STYX: variants seen among roughly 807,000 people sequenced by gnomAD.
STYX encodes the protein serine/threonine/tyrosine interacting protein.
Under a neutral mutation model 42.7 loss-of-function variants are expected in STYX, and 20 were observed. The observed-to-expected ratio is 0.47, with a 90% CI of 0.33 to 0.68. The LOEUF is 0.68. STYX is among the 30% of genes least tolerant of loss of function. The pLI is 0.02. For synonymous variants in STYX, 78 were observed against 81.9 expected (o/e 0.95, Z 0.26); for missense variants, 226 against 268.5 (o/e 0.84, Z 1.11).
At chr14:52,754,168 G>A (rs1277426001) in intron 4 of STYX, among the ~76,000 whole-genome samples, 1 of 151,640 alleles carries the variant, frequency 6.6e-6, no homozygotes, top group Non-Finnish European at 1.5e-5. Flanking sequence ...GATTACAGGC[G>A]TGAGCCACTG....
In STYX at chr14:52,730,244, G is replaced by T. The variant is rs1880633973; in HGVS notation, c.-231G>T. 1.8e-6 allele frequency: 1 copy of T among 569,784 alleles called. No individual in the cohort carries two copies. The highest frequency in any genetic ancestry group is 3.1e-5 in the Admixed American group (1 of 32,074). The allele number at this position is 569,784 out of a possible 1,614,324, so 35.3% of individuals were successfully genotyped here. A position where few individuals can be genotyped will look rare whatever the true frequency, so the allele number is the denominator to read the frequency against. On this transcript the variant is annotated 5_prime_UTR_variant, in exon 1 of 11. Transcript: ENST00000354586. ...ACTCTGGGGGAGGGAGACGGCAGCG[G>T]CATGGCGGCCGGGTGTAAGACGCCC... is the stretch of plus-strand genomic sequence containing the variant.
intron 4 of STYX, among the ~76,000 whole-genome samples, chr14:52,755,994 C>T (rs1258889373): frequency 1.3e-5 from 2 of 152,076 alleles, no homozygotes; most frequent in African/African-American, 4.8e-5. Flanking sequence ...TCTATTTTAA[C>T]CAGATGGTTC....
At chr14:52,736,330 C>T (rs1179125636) in intron 1 of STYX, among the ~76,000 whole-genome samples, 1 of 152,182 alleles carries the variant, frequency 6.6e-6, no homozygotes, top group African/African-American at 2.4e-5. Flanking sequence ...TACTTTAATA[C>T]TTACCTTTGT....
At chr14:52,759,620 GTA>G in intron 8 of STYX, 60 bp from the exon 9 acceptor site, 2 of 1,156,320 alleles carry the variant, frequency 1.7e-6, no homozygotes, top group Non-Finnish European at 2.6e-6. Flanking sequence ...TTGCTAAGTT[GTA>G]TGATTATGAT....
intron 1 of STYX, among the ~76,000 whole-genome samples, chr14:52,736,362 A>G (rs1880951432): frequency 1.3e-5 from 2 of 152,178 alleles, no homozygotes; most frequent in Admixed American, 6.5e-5. Flanking sequence ...ATTTTTGGTC[A>G]TTGTCTATTT....
At chr14:52,730,559 C>A in intron 1 of STYX, 28 bp downstream of exon 1, 1 of 1,610,306 alleles carries the variant, frequency 6.2e-7, no homozygotes, top group Non-Finnish European at 8.5e-7. Flanking sequence ...CTGCCACGCA[C>A]AGGCCTCTCC....
At chr14:52,746,552 A>G (rs969863971) in intron 3 of STYX, 73 bp downstream of exon 3, 6 of 1,327,448 alleles carry the variant, frequency 4.5e-6, no homozygotes, top group East Asian at 2.7e-5. Flanking sequence ...TTTTAGTAAT[A>G]AAGAGTTTTA....
rs58090538 is a variant in STYX, at chr14:52,752,180, CAAAAAA to C, written c.242+1405_242+1410del. 7.3e-4 allele frequency among the ~76,000 whole-genome samples: 109 copies of C among 149,286 alleles called. No homozygotes were observed. In the East Asian group the frequency reaches 9.3e-3, roughly 13 times the overall value. ...GTCTCAAAAACAAAACAAAACAAAA[CAAAAAA>C]AAAACAGCGCTGTGGCTTACACCTA... On this transcript the variant is annotated intron_variant, in intron 4 of 10. Coordinates refer to ENST00000354586, the MANE Select transcript of STYX (RefSeq NM_145251.4).
intron 1 of STYX, among the ~76,000 whole-genome samples, chr14:52,741,515 G>T (rs1352153325): frequency 6.6e-6 from 1 of 152,112 alleles, no homozygotes; most frequent in Admixed American, 6.5e-5. Flanking sequence ...TCGGCTCACT[G>T]CAGCTTCCAC....
At chr14:52,761,620 G>A (rs1367192957) in intron 9 of STYX, among the ~76,000 whole-genome samples, 1 of 143,646 alleles carries the variant, frequency 7.0e-6, no homozygotes, top group Admixed American at 7.1e-5. Flanking sequence ...CCAGGCTGGA[G>A]TGCAATGGCG....
intron 4 of STYX, among the ~76,000 whole-genome samples, chr14:52,751,354 C>A (rs1383711090): frequency 6.6e-6 from 1 of 152,092 alleles, no homozygotes; most frequent in East Asian, 1.9e-4. Flanking sequence ...TAGATTGTTT[C>A]TGGCCTTGTA....
chr14:52,766,855 T>C (rs1566681186), intron 9 of STYX, among the ~76,000 whole-genome samples: 1 of 152,034 alleles, frequency 6.6e-6, no homozygotes, highest in Non-Finnish European at 1.5e-5. Context: ...TTTTTTTTTT[T>C]CCACTTGATT....
At chr14:52,770,640 C>T (rs1257832782) in intron 10 of STYX, among the ~76,000 whole-genome samples, 1 of 152,006 alleles carries the variant, frequency 6.6e-6, no homozygotes, top group African/African-American at 2.4e-5. Context: ...AAAAGATTAT[C>T]TACAAAAAAT....
At chr14:52,768,604 C>G (rs1882397334) in intron 9 of STYX, among the ~76,000 whole-genome samples, 1 of 152,082 alleles carries the variant, frequency 6.6e-6, no homozygotes, top group African/African-American at 2.4e-5. Flanking sequence ...GCCATACTGA[C>G]TGGCAGTTCA....
intron 1 of STYX, among the ~76,000 whole-genome samples, chr14:52,734,843 C>T (rs1386609323): frequency 2.0e-5 from 3 of 152,220 alleles, no homozygotes; most frequent in South Asian, 2.1e-4. Flanking sequence ...GGACGGATCA[C>T]GAGGTCAGGA....
At chr14:52,737,844 C>A (rs1355025374) in intron 1 of STYX, among the ~76,000 whole-genome samples, 1 of 152,126 alleles carries the variant, frequency 6.6e-6, no homozygotes, top group African/African-American at 2.4e-5. Context: ...GGCAGGATCT[C>A]AACTCACTGC....
chr14:52,736,681 C>T (rs1326923890), intron 1 of STYX, among the ~76,000 whole-genome samples: 1 of 152,038 alleles, frequency 6.6e-6, no homozygotes, highest in Non-Finnish European at 1.5e-5. Context: ...GCTTTTTAAC[C>T]CTTACTCTAG....
rs189666632 is a variant in STYX, at chr14:52,747,332, G to A, written c.144+853G>A. ...CAATACTTTGCCTATTCAGAAGTCAGTATACTTAAATTGTGTTTGATATAT... is the reference window on the plus strand; with the variant it reads ...CAATACTTTGCCTATTCAGAAGTCAATATACTTAAATTGTGTTTGATATAT... On this transcript the variant is annotated intron_variant, in intron 3 of 10. Coordinates refer to ENST00000354586, the MANE Select transcript of STYX (RefSeq NM_145251.4). Among the ~76,000 whole-genome samples, 101 of 152,278 alleles carry A rather than the reference G, an allele frequency of 6.6e-4. 2 individuals are homozygous for A. In the East Asian group the frequency reaches 0.018, roughly 27 times the overall value.
At chr14:52,753,730 TAC>T (rs1881727265) in intron 4 of STYX, among the ~76,000 whole-genome samples, 1 of 152,104 alleles carries the variant, frequency 6.6e-6, no homozygotes, top group Non-Finnish European at 1.5e-5. Flanking sequence ...TGTTGTATTT[TAC>T]CTTATTTTTT....
Sources: allele counts gnomAD v4.1 joint callset (sites outside exome capture counted in the v4.1 genomes callset), GRCh38; gene constraint gnomAD v4.1.1; transcripts MANE v1.5; gene names NCBI Gene and HGNC (gene_info 2026-07-23, HGNC 2026-07-21).